KCNJ8: variants seen among roughly 807,000 people sequenced by gnomAD.
KCNJ8 encodes potassium inwardly rectifying channel subfamily J member 8.
Under a neutral mutation model 28.2 loss-of-function variants are expected in KCNJ8, and 13 were observed. That is an observed-to-expected ratio of 0.46 (90% CI 0.30 to 0.73). The LOEUF is 0.73. KCNJ8 is among the 30% of genes least tolerant of loss of function. KCNJ8 has a pLI of 0.07. For missense variants in KCNJ8, 284 were observed against 542.6 expected (o/e 0.52, Z 4.73); for synonymous variants, 188 against 195.9 (o/e 0.96, Z 0.34).
chr12:21,771,118 T>G (rs1940745678), intron 2 of KCNJ8, among the ~76,000 whole-genome samples: 1 of 152,108 alleles, frequency 6.6e-6, no homozygotes, highest in African/African-American at 2.4e-5. Context: ...CCCCAAAACA[T>G]GGCAAGAATA....
intron 2 of KCNJ8, among the ~76,000 whole-genome samples, chr12:21,770,609 T>C (rs935353842): frequency 6.6e-6 from 1 of 152,222 alleles, no homozygotes; most frequent in Non-Finnish European, 1.5e-5. Context: ...TCTTAGTGAA[T>C]AGACATTGAT....
Position 21,773,763 on chromosome 12 carries a change from A to G in KCNJ8, c.-70-77T>C, listed in dbSNP as rs995904499. ...CTCTTGGGTCCTTGTATTCAAGGAT[A>G]TGTCTGTACATGTGCGAGGTGACAT... is the stretch of plus-strand genomic sequence containing the variant. On this transcript the variant is annotated intron_variant, in intron 1 of 2. Coordinates refer to ENST00000240662, the MANE Select transcript of KCNJ8 (RefSeq NM_004982.4). The surrounding 1 kb of genome is among the most constrained non-coding windows in gnomAD (Gnocchi z 4.6). The G allele has an allele frequency of 1.9e-6, 2 of 1,026,582 alleles. No individual in the cohort carries two copies. Among genetic ancestry groups the G allele is most frequent in the Non-Finnish European group, 2.9e-6 (2 of 686,554 alleles). 63.6% of individuals were successfully genotyped at this position (1,026,582 alleles called of 1,614,324 possible).
intron 2 of KCNJ8, among the ~76,000 whole-genome samples, chr12:21,767,320 C>CGA: frequency 8.7e-6 from 1 of 114,994 alleles, no homozygotes; most frequent in African/African-American, 4.2e-5. Context: ...CCCCCCCCCC[C>CGA]CCACCTCCAG....
chr12:21,772,125 TG>T (rs1940772543), intron 2 of KCNJ8, among the ~76,000 whole-genome samples: 7 of 152,128 alleles, frequency 4.6e-5, no homozygotes, highest in Admixed American at 4.6e-4. Context: ...AATGGAAGGG[TG>T]GACAAGTTCA....
intron 2 of KCNJ8, among the ~76,000 whole-genome samples, chr12:21,771,348 A>G (rs1940750760): frequency 6.6e-6 from 1 of 152,224 alleles, no homozygotes; most frequent in Admixed American, 6.5e-5. Context: ...AAACAATCTC[A>G]AGAGATAAAA....
rs149127157 is a variant in KCNJ8 at position 21,766,177 on chromosome 12, C to T, written c.821G>A (p.Arg274His). The T allele has an allele frequency of 3.9e-5, 63 of 1,613,946 alleles. No homozygotes were observed. Among genetic ancestry groups the T allele is most frequent in the African/African-American group, 1.7e-4 (13 of 74,904 alleles). Residue 274 changes from arginine (R) to histidine (H), a missense_variant, in exon 3 of 3, where the codon CGC (arginine) becomes CAC (histidine). Around this residue, in one of 8 missense-constraint regions of KCNJ8, gnomAD observed 107 missense variants for 235.6 expected, o/e 0.45. Transcript: ENST00000240662. The surrounding 1 kb of genome is among the most constrained non-coding windows in gnomAD (Gnocchi z 6.5). ...TGCTGAGATGTCATACAGGGGACTG[C>T]GCTTGTCAATCACGTGGCAGATGAT... is the stretch of plus-strand genomic sequence containing the variant. ...PLIICHVIDK[R>H]SPLYDISATD...
At chr12:21,768,042 T>A (rs1565659931) in intron 2 of KCNJ8, among the ~76,000 whole-genome samples, 3 of 151,764 alleles carry the variant, frequency 2.0e-5, no homozygotes, top group African/African-American at 7.3e-5. Flanking sequence ...AAGACAATAC[T>A]GGGGGGTGTG....
At position 21,765,758 on chromosome 12, in the gene KCNJ8, T is replaced by C; in HGVS notation, c.1240A>G (p.Thr414Ala). ...SLMVPKVQFMTPEGNQNTSES is the reference protein window; with the variant it reads ...SLMVPKVQFMAPEGNQNTSES ...GATGTGTTTTGATTTCCTTCTGGAGTCATAAATTGCACCTTTGGTACCATG... is the reference window on the plus strand; with the variant it reads ...GATGTGTTTTGATTTCCTTCTGGAGCCATAAATTGCACCTTTGGTACCATG... The change falls in exon 3 of 3, where the codon ACT becomes GCT. Residue 414 changes from threonine to alanine, a missense_variant. Thr to Ala is a moderately conservative substitution (Grantham distance 58). Coordinates refer to ENST00000240662, the MANE Select transcript of KCNJ8 (RefSeq NM_004982.4). 1 of 1,614,060 alleles carries C rather than the reference T, an allele frequency of 6.2e-7. No homozygotes were observed. Among genetic ancestry groups the C allele is most frequent in the Non-Finnish European group, 8.5e-7 (1 of 1,179,946 alleles).
intron 2 of KCNJ8, among the ~76,000 whole-genome samples, chr12:21,767,324 C>G (rs1270161397): frequency 9.7e-6 from 1 of 103,596 alleles, no homozygotes; most frequent in Non-Finnish European, 1.9e-5. Context: ...CCCCCCCCCA[C>G]CTCCAGGCCA....
At chr12:21,768,241 C>T (rs185525775) in intron 2 of KCNJ8, among the ~76,000 whole-genome samples, 1 of 152,294 alleles carries the variant, frequency 6.6e-6, no homozygotes, top group African/African-American at 2.4e-5. Flanking sequence ...TTTGCTCCCC[C>T]ACTGCTCACC....
At chr12:21,768,062 A>G (rs1940674618) in intron 2 of KCNJ8, among the ~76,000 whole-genome samples, 1 of 151,266 alleles carries the variant, frequency 6.6e-6, no homozygotes, top group African/African-American at 2.4e-5. Flanking sequence ...GTGTGGGGGG[A>G]AATGGTTTCG....
At position 21,766,581 on chromosome 12, in the gene KCNJ8, A is replaced by G. The variant is rs766986432; in HGVS notation, c.417T>C (p.Val139=). 1.6e-5 allele frequency: 25 copies of G among 1,603,946 alleles called. No individual in the cohort carries two copies. Among genetic ancestry groups the G allele is most frequent in the Non-Finnish European group, 1.9e-5 (23 of 1,179,828 alleles). ...TCATCCTCCCTCCAAACCCAATGGT[A>G]ACTTGAACTTCAATGGAGAAGAGAA... ...SAFLFSIEVQ[V]TIGFGGRMMT... Residue 139 remains valine, a synonymous_variant, in exon 3 of 3, where the codon GTT becomes GTC. Coordinates refer to ENST00000240662, the MANE Select transcript of KCNJ8 (RefSeq NM_004982.4). This position sits in a 1 kb window ranked among gnomAD's most constrained non-coding sequence, Gnocchi z 6.5.
intron 2 of KCNJ8, among the ~76,000 whole-genome samples, chr12:21,769,172 T>A (rs996937753): frequency 6.6e-6 from 1 of 152,202 alleles, no homozygotes; most frequent in Non-Finnish European, 1.5e-5. Flanking sequence ...ATGCAGCTGG[T>A]AACATCAAGT....
In KCNJ8 at chr12:21,773,620, C is replaced by T. The variant is rs762822646; in HGVS notation, c.-4G>A. ...TGATACTCTTTCTGGCCAACATCGT[C>T]CTGTCACCATAGCCAGCTTAGCCAC... On this transcript the variant is annotated 5_prime_UTR_variant, in exon 2 of 3. Transcript: ENST00000240662. The surrounding 1 kb of genome is among the most constrained non-coding windows in gnomAD (Gnocchi z 4.6). 1.1e-5 allele frequency: 17 copies of T among 1,612,034 alleles called. 1 individual carries two copies. In the South Asian group the frequency reaches 1.8e-4, roughly 17 times the overall value.
rs1457302823 is a variant in KCNJ8, at chr12:21,768,110, A to C, written c.375-1487T>G. On this transcript the variant is annotated intron_variant, in intron 2 of 2. Coordinates refer to ENST00000240662, the MANE Select transcript of KCNJ8 (RefSeq NM_004982.4). ...TCCACCTCAGATCATCAGGAATTAG[A>C]TTCTTACAAGGAGCCCGCAGCCTAG... 4.6e-5 allele frequency among the ~76,000 whole-genome samples: 7 copies of C among 152,222 alleles called. No individual in the cohort carries two copies. The East Asian group carries it at 1.4e-3, about 29-fold the overall frequency.
chr12:21,771,338 A>G (rs1351523743), intron 2 of KCNJ8, among the ~76,000 whole-genome samples: 1 of 152,252 alleles, frequency 6.6e-6, no homozygotes, highest in East Asian at 1.9e-4. Flanking sequence ...TTGCTATGCT[A>G]AACAATCTCA....
Position 21,765,471 on chromosome 12 carries a change from C to G in KCNJ8, c.*252G>C. ...TTTCAAATTGAGAGAAACGAGCATACCCACCCCTGCACATAACTTAAGTAT... is the reference window on the plus strand; with the variant it reads ...TTTCAAATTGAGAGAAACGAGCATAGCCACCCCTGCACATAACTTAAGTAT... On this transcript the variant is annotated 3_prime_UTR_variant, in exon 3 of 3. Coordinates refer to ENST00000240662, the MANE Select transcript of KCNJ8 (RefSeq NM_004982.4). The G allele has an allele frequency of 7.6e-6, 4 of 529,212 alleles. No individual in the cohort carries two copies. Among genetic ancestry groups the G allele is most frequent in the Non-Finnish European group, 1.4e-5 (4 of 293,560 alleles). The allele number at this position is 529,212 out of a possible 1,614,324, so 32.8% of individuals were successfully genotyped here.
rs772424315 is a variant in KCNJ8 at position 21,766,236 on chromosome 12, G to A, written c.762C>T (p.Ile254=). 1.5e-5 allele frequency: 24 copies of A among 1,613,942 alleles called. No individual in the cohort carries two copies. The highest frequency in any genetic ancestry group is 1.9e-5 in the Non-Finnish European group (22 of 1,180,026). ...CCACCAGAAAAATGTTATTGCTCTC[G>A]ATTGGGTTATCAACAGGAATGTCCA... The part of the protein sequence containing the change: ...HQLDIPVDNP[I]ESNNIFLVAP... The change falls in exon 3 of 3, where the codon ATC becomes ATT. Residue 254 remains isoleucine, a synonymous_variant. Transcript: ENST00000240662. This position sits in a 1 kb window ranked among gnomAD's most constrained non-coding sequence, Gnocchi z 6.5.
intron 2 of KCNJ8, among the ~76,000 whole-genome samples, chr12:21,772,040 A>C (rs530817892): frequency 6.6e-6 from 1 of 152,340 alleles, no homozygotes; most frequent in East Asian, 1.9e-4. Flanking sequence ...ATTTGAGCTG[A>C]AATCTGTGGT....
Sources: allele counts gnomAD v4.1 joint callset (sites outside exome capture counted in the v4.1 genomes callset), GRCh38; gene constraint gnomAD v4.1.1; regional missense constraint gnomAD v4.1.1; non-coding constraint Gnocchi (gnomAD v3.1); transcripts MANE v1.5; gene names NCBI Gene and HGNC (gene_info 2026-07-23, HGNC 2026-07-21).